The following CNTN3 variants were observed in gnomAD, a reference collection of about 807,000 sequenced individuals.
CNTN3 encodes contactin-3.
In CNTN3, 60 loss-of-function variants were observed where a neutral mutation model predicts 119.1. That is an observed-to-expected ratio of 0.50 (90% confidence interval 0.41 to 0.62). The LOEUF (loss-of-function observed/expected upper bound fraction) is 0.62. Ranked by LOEUF, CNTN3 falls within the 20% of genes least tolerant of loss-of-function variation. The probability of loss-of-function intolerance (pLI) is 0.00; values close to 1 mark genes in which losing one functional copy is unlikely to be tolerated. For synonymous variants in CNTN3, 450 were observed against 438.7 expected, an observed-to-expected ratio of 1.03 and a Z score of -0.32; for missense variants, 1,101 against 1,242.4, an observed-to-expected ratio of 0.89 and a Z score of 1.71.
chr3:74,328,276 T>C lies in CNTN3; in HGVS notation c.1668+6459A>G, dbSNP rs554249177. ...TTCTTTGTTCTTGACCTGATAAGTT[T>C]TAATCATACATTATTTGAGGTATTA... is the stretch of plus-strand genomic sequence containing the variant. On this transcript the variant is annotated intron_variant, in intron 13 of 22. Transcript: ENST00000263665. Among the ~76,000 whole-genome samples the C allele has an allele frequency of 6.8e-4, 104 of 152,282 alleles. 1 individual carries two copies. Among genetic ancestry groups the C allele is most frequent in the Non-Finnish European group, 2.6e-4 (18 of 68,000 alleles).
At chr3:74,448,023 G>A (rs917978323) in intron 4 of CNTN3, among the ~76,000 whole-genome samples, 3 of 152,084 alleles carry the variant, frequency 2.0e-5, no homozygotes, top group Non-Finnish European at 2.9e-5. Context: ...ACTCAGCTGC[G>A]AACACCTGCT....
rs996085856 is a variant in CNTN3 at position 74,369,252 on chromosome 3, A to G, written c.883T>C (p.Tyr295His). 1.2e-6 allele frequency: 2 copies of G among 1,611,166 alleles called. No homozygotes were observed. The highest frequency in any genetic ancestry group is 1.7e-5 in the Admixed American group (1 of 59,548). The part of the protein sequence containing the change: ...PNFQQEDAGS[Y>H]ECIAENSRGK... ...CGTGAATTCTCAGCAATGCATTCAT[A>G]GGAACCTGCATCTTCCTGTTGGAAG... The change falls in exon 8 of 23, where the codon TAT (tyrosine) becomes CAT (histidine). Residue 295 changes from tyrosine to histidine, a missense_variant. Coordinates refer to ENST00000263665, the MANE Select transcript of CNTN3 (RefSeq NM_020872.3).
At chr3:74,471,808 G>A (rs1405002714) in intron 4 of CNTN3, among the ~76,000 whole-genome samples, 1 of 152,154 alleles carries the variant, frequency 6.6e-6, no homozygotes, top group Admixed American at 6.5e-5. Context: ...GAAAGCTAGT[G>A]TTTTCCTTTA....
Position 74,408,660 on chromosome 3 carries a change from G to A in CNTN3, c.454+16185C>T, listed in dbSNP as rs563222908. Among the ~76,000 whole-genome samples the A allele has an allele frequency of 5.9e-5, 9 of 152,094 alleles. 1 individual carries two copies. In the East Asian group the frequency reaches 1.7e-3, roughly 29 times the overall value. On this transcript the variant is annotated intron_variant, in intron 5 of 22. Transcript: ENST00000263665. ...ACGGCAGAGATTGTATTAAACCTTTGTAATTAGACAGGGTATTTATGTTCT... is the reference window on the plus strand; with the variant it reads ...ACGGCAGAGATTGTATTAAACCTTTATAATTAGACAGGGTATTTATGTTCT...
intron 18 of CNTN3, among the ~76,000 whole-genome samples, chr3:74,295,637 G>C (rs1423425829): frequency 2.0e-5 from 3 of 152,116 alleles, no homozygotes; most frequent in Non-Finnish European, 4.4e-5. Context: ...TCTAGGTTAA[G>C]TAAAGCTCAT....
intron 2 of CNTN3, 128 bp from the exon 3 acceptor site, chr3:74,499,913 T>C: frequency 1.2e-6 from 1 of 821,148 alleles, no homozygotes; most frequent in South Asian, 2.4e-5. Flanking sequence ...CAAAGCAAAA[T>C]GCTCTGTAGA....
At chr3:74,313,715 G>A (rs1285713199) in intron 13 of CNTN3, among the ~76,000 whole-genome samples, 4 of 152,156 alleles carry the variant, frequency 2.6e-5, no homozygotes, top group South Asian at 2.1e-4. Context: ...GGTTATGGAA[G>A]GTGGGAGAAG....
chr3:74,330,874 C>G (rs1703248346), intron 13 of CNTN3, among the ~76,000 whole-genome samples: 2 of 152,026 alleles, frequency 1.3e-5, no homozygotes, highest in South Asian at 4.2e-4. Flanking sequence ...AGAAAAAAAG[C>G]TTATCCTTAT....
intron 8 of CNTN3, among the ~76,000 whole-genome samples, chr3:74,366,818 G>A (rs1301996476): frequency 2.0e-5 from 1 of 49,760 alleles, no homozygotes; most frequent in Non-Finnish European, 3.7e-5. Flanking sequence ...AACTTGCTCA[G>A]TATGAAGTGT....
At chr3:74,462,273 A>C (rs1290958159) in intron 4 of CNTN3, among the ~76,000 whole-genome samples, 1 of 152,038 alleles carries the variant, frequency 6.6e-6, no homozygotes, top group East Asian at 1.9e-4. Context: ...TTCTTTATAA[A>C]TTACTGTCTC....
intron 5 of CNTN3, among the ~76,000 whole-genome samples, chr3:74,402,577 T>C (rs867429197): frequency 6.6e-6 from 1 of 152,188 alleles, no homozygotes; most frequent in African/African-American, 2.4e-5. Flanking sequence ...ATAGAGTGCC[T>C]TCTATATACT....
intron 1 of CNTN3, among the ~76,000 whole-genome samples, chr3:74,561,175 TA>T (rs371345475): frequency 0.033 from 4,787 of 144,560 alleles, 108 homozygotes; most frequent in African/African-American, 0.06. Flanking sequence ...TAAAGCATAA[TA>T]AAAAAAAAAT....
chr3:74,465,653 T>C (rs1702448107), intron 4 of CNTN3, among the ~76,000 whole-genome samples: 1 of 152,208 alleles, frequency 6.6e-6, no homozygotes, highest in Non-Finnish European at 1.5e-5. Context: ...GCACAATACA[T>C]GTCTTTGCTT....
intron 1 of CNTN3, among the ~76,000 whole-genome samples, chr3:74,608,930 G>C (rs1705035715): frequency 1.3e-5 from 2 of 152,236 alleles, no homozygotes; most frequent in East Asian, 3.9e-4. Flanking sequence ...CTAGTCTAGG[G>C]GGACAGTCAA....
At chr3:74,419,053 T>C (rs1398774072) in intron 5 of CNTN3, among the ~76,000 whole-genome samples, 5 of 152,070 alleles carry the variant, frequency 3.3e-5, no homozygotes, top group Admixed American at 2.0e-4. Context: ...CTCCTCGGCC[T>C]CCCAAAGTGC....
intron 13 of CNTN3, among the ~76,000 whole-genome samples, chr3:74,323,829 A>C (rs1209775017): frequency 6.6e-6 from 1 of 152,146 alleles, no homozygotes; most frequent in Non-Finnish European, 1.5e-5. Flanking sequence ...AAAATTATAA[A>C]CTGCAGCTCT....
At chr3:74,610,564 A>G (rs1705064426) in intron 1 of CNTN3, among the ~76,000 whole-genome samples, 1 of 152,194 alleles carries the variant, frequency 6.6e-6, no homozygotes, top group African/African-American at 2.4e-5. Flanking sequence ...ACAGCCTTGC[A>G]GGTAATATTT....
intron 1 of CNTN3, among the ~76,000 whole-genome samples, chr3:74,608,303 G>A (rs1371515630): frequency 6.6e-6 from 1 of 152,072 alleles, no homozygotes; most frequent in Non-Finnish European, 1.5e-5. Context: ...AAGGATGACT[G>A]GTGAGACTGT....
At chr3:74,351,352 C>T (rs1165094424) in intron 11 of CNTN3, among the ~76,000 whole-genome samples, 1 of 152,138 alleles carries the variant, frequency 6.6e-6, no homozygotes, top group Non-Finnish European at 1.5e-5. Context: ...TTAACTCATC[C>T]CTCACTAAGA....
Sources: allele counts gnomAD v4.1 joint callset (sites outside exome capture counted in the v4.1 genomes callset), GRCh38; gene constraint gnomAD v4.1.1; transcripts MANE v1.5; gene names NCBI Gene and HGNC (gene_info 2026-07-23, HGNC 2026-07-21).